IARS1: variants seen among roughly 807,000 people sequenced by gnomAD.
The protein encoded by IARS1 is isoleucyl-tRNA synthetase 1.
In IARS1, 124 loss-of-function variants were observed where a neutral mutation model predicts 168.2. The observed-to-expected ratio is 0.74, with a 90% CI of 0.64 to 0.86. The LOEUF is 0.86. Ranked by LOEUF, IARS1 falls within the 40% of genes least tolerant of loss-of-function variation. The pLI is 0.00. For synonymous variants in IARS1, 532 were observed against 529.4 expected (o/e 1.00, Z -0.07); for missense variants, 1,452 against 1,515.8 (o/e 0.96, Z 0.70).
At chr9:92,258,812 G>C (rs766534446) in intron 19 of IARS1, 42 bp downstream of exon 19, 10 of 1,545,966 alleles carry the variant, frequency 6.5e-6, no homozygotes, top group Non-Finnish European at 7.8e-6. Flanking sequence ...GGAGCGCTGT[G>C]GAGACACGGC....
At position 92,250,746 on chromosome 9, in the gene IARS1, A is replaced by C; in HGVS notation, c.2396T>G (p.Leu799Arg). Residue 799 changes from leucine (L) to arginine (R), a missense_variant, in exon 23 of 34, where the codon CTC (leucine) becomes CGC (arginine). Coordinates refer to ENST00000443024, the MANE Select transcript of IARS1 (RefSeq NM_002161.6). ...DPVSVQDKDT[L>R]SIHYLMLPRV... is the part of the protein sequence containing the mutation. ...GGGCAGCATGAGGTAGTGAATGCTG[A>C]GTGTGTCCTTGTCCTGAACAGAAAC... 1.2e-6 allele frequency: 2 copies of C among 1,613,100 alleles called. No individual in the cohort carries two copies. The highest frequency in any genetic ancestry group is 8.5e-7 in the Non-Finnish European group (1 of 1,179,624).
chr9:92,235,567 G>A (rs1186361635), intron 30 of IARS1, among the ~76,000 whole-genome samples: 1 of 146,072 alleles, frequency 6.8e-6, no homozygotes, highest in East Asian at 2.0e-4. Context: ...GCCCAGGCTG[G>A]AGCACAGTGG....
At chr9:92,217,457 A>G (rs899862739) in intron 33 of IARS1, among the ~76,000 whole-genome samples, 18 of 140,684 alleles carry the variant, frequency 1.3e-4, no homozygotes, top group Admixed American at 4.2e-4. Context: ...GACACAAAAA[A>G]CCCTTCAAAA....
chr9:92,247,485 C>T lies in IARS1; in HGVS notation c.2683G>A (p.Glu895Lys). Residue 895 changes from glutamate (E) to lysine (K), a missense_variant, in exon 26 of 34, where the codon GAA (glutamate) becomes AAA (lysine). Glu to Lys is a moderately conservative substitution (Grantham distance 56). Coordinates refer to ENST00000443024, the MANE Select transcript of IARS1 (RefSeq NM_002161.6). ...KNKYGIRLRA[E>K]PDHMVLGKRL... is the part of the protein sequence containing the mutation. ...TTCCCCAGGACCATGTGATCTGGTTCTGCCCTTAGCCGAATGCCATACTTG... is the reference window on the plus strand; with the variant it reads ...TTCCCCAGGACCATGTGATCTGGTTTTGCCCTTAGCCGAATGCCATACTTG... 2.5e-6 allele frequency: 4 copies of T among 1,614,142 alleles called. No individual in the cohort carries two copies. The highest frequency in any genetic ancestry group is 2.5e-6 in the Non-Finnish European group (3 of 1,180,008).
chr9:92,221,115 C>A (rs1393189449), intron 33 of IARS1, among the ~76,000 whole-genome samples: 1 of 152,088 alleles, frequency 6.6e-6, no homozygotes, highest in Non-Finnish European at 1.5e-5. Flanking sequence ...AAAGCAGCAC[C>A]TTACCTGCAG....
chr9:92,234,846 CTTT>C (rs879895020), intron 30 of IARS1, among the ~76,000 whole-genome samples: 1 of 142,184 alleles, frequency 7.0e-6, no homozygotes, highest in Non-Finnish European at 1.5e-5. Flanking sequence ...GCAATATGAG[CTTT>C]TTTTTTTTTT....
At position 92,280,672 on chromosome 9, in the gene IARS1, GTAAGCTTTCA is replaced by G. The variant is rs1834414201; in HGVS notation, c.745+64_745+73del. ...TTCTATTCTTCATGCAAAAAGAAAG[GTAAGCTTTCA>G]TATTTTCCAAAATATAAAATTATCT... is the stretch of plus-strand genomic sequence containing the variant. On this transcript the variant is annotated intron_variant, in intron 7 of 33. Transcript: ENST00000443024. 3 of 916,754 alleles carry G rather than the reference GTAAGCTTTCA, an allele frequency of 3.3e-6. No homozygotes were observed. In the South Asian group the frequency reaches 6.4e-5, roughly 20 times the overall value. 56.8% of individuals were successfully genotyped at this position (916,754 alleles called of 1,614,324 possible). A position where few individuals can be genotyped will look rare whatever the true frequency, so the allele number is the denominator to read the frequency against.
At chr9:92,232,595 G>A (rs961047401) in intron 30 of IARS1, among the ~76,000 whole-genome samples, 3 of 152,198 alleles carry the variant, frequency 2.0e-5, no homozygotes, top group African/African-American at 4.8e-5. Context: ...TAGTAGGTTT[G>A]TGGAAGAGGA....
intron 30 of IARS1, among the ~76,000 whole-genome samples, chr9:92,239,243 G>A (rs914142558): frequency 2.6e-5 from 4 of 152,222 alleles, no homozygotes; most frequent in East Asian, 3.9e-4. Context: ...TGCTGGGAAC[G>A]GATTCTTTTA....
chr9:92,223,441 CAA>C lies in IARS1; in HGVS notation c.3456_3457del (p.Val1154AspfsTer13). On this transcript the variant is annotated frameshift_variant, in exon 32 of 34. Coordinates refer to ENST00000443024, the MANE Select transcript of IARS1 (RefSeq NM_002161.6). LOFTEE classifies it high-confidence loss of function. Reference sequence around the variant, plus strand: ...AGAGGGAGCCGATCCTGCAGTCACACAAAGTGTTTTTCCACTAAGACTCAGTA... The same window carrying C: ...AGAGGGAGCCGATCCTGCAGTCACACAGTGTTTTTCCACTAAGACTCAGTA... 1 of 1,613,998 alleles carries C rather than the reference CAA, an allele frequency of 6.2e-7. No individual in the cohort carries two copies. Among genetic ancestry groups the C allele is most frequent in the Non-Finnish European group, 8.5e-7 (1 of 1,179,902 alleles).
chr9:92,222,712 T>C (rs1221079360), intron 32 of IARS1, 40 bp from the exon 33 acceptor site: 1 of 1,608,812 alleles, frequency 6.2e-7, no homozygotes, highest in Non-Finnish European at 8.5e-7. Flanking sequence ...TCTCGAGAGT[T>C]CACCCTCTAG....
intron 26 of IARS1, among the ~76,000 whole-genome samples, chr9:92,247,060 A>G (rs2133662233): frequency 6.6e-6 from 1 of 152,158 alleles, no homozygotes. Flanking sequence ...CAGGCATGGT[A>G]CTACGTGCCT....
At chr9:92,282,841 T>C (rs184886745) in intron 6 of IARS1, among the ~76,000 whole-genome samples, 2,074 of 134,210 alleles carry the variant, frequency 0.015, 25 homozygotes, top group African/African-American at 0.038. Context: ...TACACACACA[T>C]ATATATATAT....
chr9:92,251,369 T>G (rs180996224), intron 22 of IARS1, among the ~76,000 whole-genome samples: 96 of 152,344 alleles, frequency 6.3e-4, no homozygotes, highest in Middle Eastern at 3.4e-3. Flanking sequence ...TCTGAACTGA[T>G]AAGAACATAT....
At chr9:92,253,266 C>A in intron 21 of IARS1, 96 bp downstream of exon 21, 2 of 767,172 alleles carry the variant, frequency 2.6e-6, no homozygotes, top group Non-Finnish European at 4.5e-6. Flanking sequence ...CGGAGAGCAA[C>A]TGAAAATGTT....
intron 14 of IARS1, among the ~76,000 whole-genome samples, chr9:92,266,637 G>A (rs1228862193): frequency 6.6e-6 from 1 of 152,212 alleles, no homozygotes; most frequent in Non-Finnish European, 1.5e-5. Flanking sequence ...TGGATCCCTC[G>A]TGAAGAGACC....
rs759137246 is a variant in IARS1, at chr9:92,269,926, G to T, written c.1263C>A (p.Asn421Lys). 6.2e-7 allele frequency: 1 copy of T among 1,613,784 alleles called. No homozygotes were observed. Among genetic ancestry groups the T allele is most frequent in the South Asian group, 1.1e-5 (1 of 91,074 alleles). ...AVPSWFVRVE[N>K]MVDQLLRNND... ...TGTTCCTTAGGAGCTGGTCCACCAT[G>T]TTCTCCACTCGCACAAACCAGCTGG... is the stretch of plus-strand genomic sequence containing the variant. The change falls in exon 13 of 34, where the codon AAC becomes AAA. Residue 421 changes from asparagine (N) to lysine (K), a missense_variant. Physicochemically the swap from Asn to Lys is moderately conservative, Grantham distance 94 (BLOSUM62 0). Transcript: ENST00000443024.
intron 4 of IARS1, 178 bp downstream of exon 4, chr9:92,287,613 C>T: frequency 1.8e-6 from 1 of 558,722 alleles, no homozygotes. Flanking sequence ...ACACAGAAGT[C>T]AGAAGAGAGA....
chr9:92,230,907 G>A (rs933303821), intron 30 of IARS1, among the ~76,000 whole-genome samples: 2 of 152,132 alleles, frequency 1.3e-5, no homozygotes, highest in African/African-American at 4.8e-5. Context: ...GTAAATGTCT[G>A]TTCATATCTC....
Sources: gnomAD v4.1 joint callset for allele counts (sites outside exome capture counted in the v4.1 genomes callset) on GRCh38, gnomAD v4.1.1 for gene constraint, MANE v1.5 for transcripts, NCBI Gene and HGNC (gene_info 2026-07-23, HGNC 2026-07-21) for gene names.